The following CCNG2 variants were observed in gnomAD, a reference collection of about 807,000 sequenced individuals.
CCNG2 encodes cyclin G2.
In CCNG2, 20 loss-of-function variants were observed where a neutral mutation model predicts 36.5. The observed-to-expected ratio is 0.55, with a 90% CI of 0.39 to 0.80. The LOEUF is 0.80. Ranked by LOEUF, CCNG2 falls within the 30% of genes least tolerant of loss-of-function variation. CCNG2 has a pLI of 0.00. For missense variants in CCNG2, 358 were observed against 390.8 expected, an observed-to-expected ratio of 0.92 and a Z score of 0.71; for synonymous variants, 155 against 140.1, an observed-to-expected ratio of 1.11 and a Z score of -0.75.
chr4:77,168,285 C>T lies in CCNG2; in HGVS notation c.*2361C>T, dbSNP rs886333944. 1.3e-5 allele frequency: 2 copies of T among 152,154 alleles called. No individual in the cohort carries two copies. The highest frequency in any genetic ancestry group is 2.4e-5 in the African/African-American group (1 of 41,424). The allele number at this position is 152,154 out of a possible 1,614,324, so 9.4% of individuals were successfully genotyped here. A position where few individuals can be genotyped will look rare whatever the true frequency, so the allele number is the denominator to read the frequency against. ...TTTACACTGTTTATATCTCTCTGTC[C>T]CCCCTTTTTCTGCCATTGGCATGGT... On this transcript the variant is annotated 3_prime_UTR_variant, in exon 8 of 8. Transcript: ENST00000316355.
chr4:77,161,582 A>C (rs183221863), intron 5 of CCNG2, 24 bp downstream of exon 5: 1 of 1,580,616 alleles, frequency 6.3e-7, no homozygotes, highest in East Asian at 2.2e-5. Context: ...TTGCTTATGT[A>C]TATATCTCAC....
chr4:77,164,448 C>T lies in CCNG2; in HGVS notation c.880C>T (p.Pro294Ser), dbSNP rs752018072. The part of the protein sequence containing the change: ...YYSVPELPTI[P>S]EGGCFDESES... ...TAGTGTTCCTGAGCTGCCAACGATA[C>T]CTGAGGGGGGTTGTTTTGATGAAAG... The change falls in exon 7 of 8, where the codon CCT (proline) becomes TCT (serine). Residue 294 changes from proline to serine, a missense_variant. By Grantham distance (74) the Pro-to-Ser change is moderately conservative (BLOSUM62 -1). Coordinates refer to ENST00000316355, the MANE Select transcript of CCNG2 (RefSeq NM_004354.3). The T allele has an allele frequency of 6.2e-7, 1 of 1,613,950 alleles. No individual in the cohort carries two copies. The highest frequency in any genetic ancestry group is 1.1e-5 in the South Asian group (1 of 91,076).
chr4:77,165,233 A>G, intron 7 of CCNG2, among the ~76,000 whole-genome samples: 1 of 152,238 alleles, frequency 6.6e-6, no homozygotes, highest in East Asian at 1.9e-4. Flanking sequence ...GGTATAATAA[A>G]TCACTGATGC....
In CCNG2 at chr4:77,168,140, GTTCT is replaced by G. The variant is rs1731675924; in HGVS notation, c.*2219_*2222del. The stretch of plus-strand genomic sequence containing the variant: ...TTTCTGATTACTCCCAAACCTGCTG[GTTCT>G]TTATGTCTTTCTCAGCGAATAATTC... On this transcript the variant is annotated 3_prime_UTR_variant, in exon 8 of 8. Transcript: ENST00000316355. 1 of 152,184 alleles carries G rather than the reference GTTCT, an allele frequency of 6.6e-6. No homozygotes were observed. Among genetic ancestry groups the G allele is most frequent in the Admixed American group, 6.5e-5 (1 of 15,276 alleles). 9.4% of individuals were successfully genotyped at this position (152,184 alleles called of 1,614,324 possible).
chr4:77,160,257 T>G (rs936887896), intron 3 of CCNG2, among the ~76,000 whole-genome samples: 3 of 151,832 alleles, frequency 2.0e-5, no homozygotes, highest in Admixed American at 2.0e-4. Flanking sequence ...TTCATAAGTC[T>G]GAAATACAAA....
Position 77,161,486 on chromosome 4 carries a change from A to T in CCNG2, c.534A>T (p.Glu178Asp), listed in dbSNP as rs1731435092. 1.3e-6 allele frequency: 2 copies of T among 1,594,418 alleles called. No individual in the cohort carries two copies. Residue 178 changes from glutamate to aspartate, a missense_variant, in exon 5 of 8, where the codon GAA becomes GAT. Physicochemically the swap from Glu to Asp is conservative, Grantham distance 45. Transcript: ENST00000316355. Reference protein sequence around the residue: ...IILCHTSERKEILSLDKLEAQ... With the variant: ...IILCHTSERKDILSLDKLEAQ... Reference sequence around the variant, plus strand: ...TGTTCTTTGCATTGTATAGGAAAGAAATACTGAGCCTTGATAAACTAGAAG... The same window carrying T: ...TGTTCTTTGCATTGTATAGGAAAGATATACTGAGCCTTGATAAACTAGAAG...
At position 77,166,746 on chromosome 4, in the gene CCNG2, T is replaced by A. The variant is rs977872893; in HGVS notation, c.*822T>A. On this transcript the variant is annotated 3_prime_UTR_variant, in exon 8 of 8. Coordinates refer to ENST00000316355, the MANE Select transcript of CCNG2 (RefSeq NM_004354.3). The stretch of plus-strand genomic sequence containing the variant: ...TCTGGTGTAGTATATTTTATCGCAT[T>A]TTCTTATATTAAAAAATGTCTGCAT... 7.2e-5 allele frequency: 11 copies of A among 152,228 alleles called. No homozygotes were observed. The highest frequency in any genetic ancestry group is 2.4e-4 in the African/African-American group (10 of 41,470). 9.4% of individuals were successfully genotyped at this position (152,228 alleles called of 1,614,324 possible). A position where few individuals can be genotyped will look rare whatever the true frequency, so the allele number is the denominator to read the frequency against.
Position 77,160,806 on chromosome 4 carries a change from C to G in CCNG2, c.362C>G (p.Ser121Cys). The G allele has an allele frequency of 1.2e-6, 2 of 1,613,764 alleles. No individual in the cohort carries two copies. Among genetic ancestry groups the G allele is most frequent in the Non-Finnish European group, 1.7e-6 (2 of 1,179,740 alleles). The change falls in exon 4 of 8, where the codon TCC (serine) becomes TGC (cysteine). Residue 121 changes from serine (S) to cysteine (C), a missense_variant. Physicochemically the swap from Ser to Cys is moderately radical, Grantham distance 112. Coordinates refer to ENST00000316355, the MANE Select transcript of CCNG2 (RefSeq NM_004354.3). Reference sequence around the variant, plus strand: ...GTTGAAGAAGACTGCAATATTCCATCCACTCATGATGTGATCCGGATTAGT... The same window carrying G: ...GTTGAAGAAGACTGCAATATTCCATGCACTCATGATGTGATCCGGATTAGT... ...RIVEEDCNIPSTHDVIRISQC... is the reference protein window; with the variant it reads ...RIVEEDCNIPCTHDVIRISQC...
Position 77,167,454 on chromosome 4 carries a change from C to A in CCNG2, c.*1530C>A, listed in dbSNP as rs573856523. 3 of 152,244 alleles carry A rather than the reference C, an allele frequency of 2.0e-5. No individual in the cohort carries two copies. The East Asian group carries it at 5.8e-4, about 29-fold the overall frequency. 9.4% of individuals were successfully genotyped at this position (152,244 alleles called of 1,614,324 possible). ...AGAGACTGGTATATTACCAGAATGC[C>A]TATTAATTTTCAGTGAGAGGCAACA... On this transcript the variant is annotated 3_prime_UTR_variant, in exon 8 of 8. Transcript: ENST00000316355.
At position 77,159,548 on chromosome 4, in the gene CCNG2, C is replaced by T. The variant is rs1385594703; in HGVS notation, c.276+44C>T. The T allele has an allele frequency of 3.2e-6, 5 of 1,584,148 alleles. No homozygotes were observed. The Middle Eastern group carries it at 5.1e-4, about 161-fold the overall frequency. ...AAATATGTCTTCCTTTTTCTATGCC[C>T]AGTGCCTAGCACACAGGGTTCAAGA... is the stretch of plus-strand genomic sequence containing the variant. On this transcript the variant is annotated intron_variant, in intron 3 of 7. Coordinates refer to ENST00000316355, the MANE Select transcript of CCNG2 (RefSeq NM_004354.3).
intron 7 of CCNG2, 55 bp from the exon 8 acceptor site, chr4:77,165,746 T>A: frequency 7.1e-7 from 1 of 1,411,942 alleles, no homozygotes; most frequent in Non-Finnish European, 9.5e-7. Context: ...CTATAAAACA[T>A]TTAAGTGTGT....
intron 1 of CCNG2, 120 bp from the exon 2 acceptor site, chr4:77,158,413 G>C (rs1022199773): frequency 2.1e-6 from 2 of 951,026 alleles, no homozygotes; most frequent in Non-Finnish European, 3.3e-6. Context: ...CCCTTCACCC[G>C]CTCCTTGTCG....
In CCNG2 at chr4:77,166,005, C is replaced by T; in HGVS notation, c.*81C>T. The T allele has an allele frequency of 5.1e-6, 7 of 1,360,058 alleles. No homozygotes were observed. Among genetic ancestry groups the T allele is most frequent in the Non-Finnish European group, 7.0e-6 (7 of 1,001,384 alleles). 84.2% of individuals were successfully genotyped at this position (1,360,058 alleles called of 1,614,324 possible). A position where few individuals can be genotyped will look rare whatever the true frequency, so the allele number is the denominator to read the frequency against. The stretch of plus-strand genomic sequence containing the variant: ...GGAATAGGTAGTTTCCTGGTTTAGC[C>T]CCCATCTAGTCAGGAATTAATATAC... On this transcript the variant is annotated 3_prime_UTR_variant, in exon 8 of 8. Coordinates refer to ENST00000316355, the MANE Select transcript of CCNG2 (RefSeq NM_004354.3).
chr4:77,168,904 T>C lies in CCNG2; in HGVS notation c.*2980T>C, dbSNP rs1414150489. On this transcript the variant is annotated 3_prime_UTR_variant, in exon 8 of 8. Transcript: ENST00000316355. ...TTACCCCCGTTGACTTGGCGAGAGA[T>C]TTGACCTTTCAGGTTTTGATCCTGT... 2 of 152,212 alleles carry C rather than the reference T, an allele frequency of 1.3e-5. No individual in the cohort carries two copies. The highest frequency in any genetic ancestry group is 2.9e-5 in the Non-Finnish European group (2 of 68,056). 9.4% of individuals were successfully genotyped at this position (152,212 alleles called of 1,614,324 possible).
chr4:77,161,343 C>T (rs1326838058), intron 4 of CCNG2, 137 bp from the exon 5 acceptor site: 1 of 635,120 alleles, frequency 1.6e-6, no homozygotes, highest in African/African-American at 1.9e-5. Flanking sequence ...CTTAGGTGAT[C>T]CACCTGCTTC....
intron 6 of CCNG2, 47 bp downstream of exon 6, chr4:77,161,794 T>A: frequency 8.4e-7 from 1 of 1,183,518 alleles, no homozygotes; most frequent in Non-Finnish European, 1.2e-6. Context: ...TCCTGATGTT[T>A]ATTTTTTTCT....
intron 1 of CCNG2, among the ~76,000 whole-genome samples, chr4:77,158,027 C>G (rs1731314848): frequency 6.6e-6 from 1 of 151,880 alleles, no homozygotes; most frequent in Admixed American, 6.6e-5. Flanking sequence ...GCGGGACTCT[C>G]CGAGAGGGGC....
chr4:77,160,570 A>C, intron 3 of CCNG2, 151 bp from the exon 4 acceptor site: 1 of 635,318 alleles, frequency 1.6e-6, no homozygotes, highest in South Asian at 2.3e-5. Context: ...AAATGTGAAA[A>C]TGTGTATAAT....
chr4:77,158,419 TGTC>T, intron 1 of CCNG2, 111 bp from the exon 2 acceptor site: 2 of 1,007,648 alleles, frequency 2.0e-6, no homozygotes, highest in Non-Finnish European at 1.5e-6. Flanking sequence ...ACCCGCTCCT[TGTC>T]GGGGTGTGCT....
Sources: allele counts gnomAD v4.1 joint callset (sites outside exome capture counted in the v4.1 genomes callset), GRCh38; gene constraint gnomAD v4.1.1; transcripts MANE v1.5; gene names NCBI Gene and HGNC (gene_info 2026-07-23, HGNC 2026-07-21).